Variants in PDSS1 observed in about 807,000 individuals in gnomAD.
PDSS1 encodes the protein all trans-polyprenyl-diphosphate synthase PDSS1.
Under a neutral mutation model 57.5 loss-of-function variants are expected in PDSS1, and 43 were observed. That is an observed-to-expected ratio of 0.75 (90% CI 0.59 to 0.96). The LOEUF is 0.96. Among genes scored for constraint, PDSS1 ranks in the 50% least tolerant of loss-of-function variants. The probability of loss-of-function intolerance (pLI) is 0.00; values close to 1 mark genes in which losing one functional copy is unlikely to be tolerated. For missense variants in PDSS1, 438 were observed against 527.8 expected (o/e 0.83, Z 1.67); for synonymous variants, 175 against 191.3 (o/e 0.91, Z 0.70).
intron 8 of PDSS1, among the ~76,000 whole-genome samples, chr10:26,730,880 T>G (rs1836166951): frequency 1.3e-5 from 2 of 152,198 alleles, no homozygotes; most frequent in Non-Finnish European, 2.9e-5. Context: ...AACAATTTAT[T>G]AGGAAAATGA....
At chr10:26,716,576 C>T (rs1454782177) in intron 5 of PDSS1, among the ~76,000 whole-genome samples, 1 of 152,040 alleles carries the variant, frequency 6.6e-6, no homozygotes, top group Non-Finnish European at 1.5e-5. Context: ...CCTGTAGTCT[C>T]AGCTACCTGG....
At position 26,746,558 on chromosome 10, in the gene PDSS1, C is replaced by CAGAT. The variant is rs1335115540; in HGVS notation, c.*87_*90dup. 4 of 1,372,470 alleles carry CAGAT rather than the reference C, an allele frequency of 2.9e-6. No homozygotes were observed. The highest frequency in any genetic ancestry group is 3.1e-6 in the Non-Finnish European group (3 of 964,438). 85.0% of individuals were successfully genotyped at this position (1,372,470 alleles called of 1,614,324 possible). On this transcript the variant is annotated 3_prime_UTR_variant, in exon 12 of 12. Coordinates refer to ENST00000376215, the MANE Select transcript of PDSS1 (RefSeq NM_014317.5). ...GAATACACTTTGTTTGCTTCATGTG[C>CAGAT]AGATAACCAAAAATCATTTTAAAAG... is the stretch of plus-strand genomic sequence containing the variant.
intron 2 of PDSS1, among the ~76,000 whole-genome samples, chr10:26,702,640 C>T (rs948001667): frequency 4.6e-5 from 7 of 152,126 alleles, no homozygotes; most frequent in African/African-American, 1.7e-4. Context: ...ATAAATTACC[C>T]AGTCTTGGGT....
In PDSS1 at chr10:26,746,508, C is replaced by A; in HGVS notation, c.*35C>A. 5.0e-6 allele frequency: 8 copies of A among 1,610,200 alleles called. No individual in the cohort carries two copies. The highest frequency in any genetic ancestry group is 6.8e-6 in the Non-Finnish European group (8 of 1,176,646). On this transcript the variant is annotated 3_prime_UTR_variant, in exon 12 of 12. Transcript: ENST00000376215. Reference sequence around the variant, plus strand: ...CTGTTCTTTCTGGCAGCTATCTTACCAGACTGTGCCTAAAGAATTTTGTGG... The same window carrying A: ...CTGTTCTTTCTGGCAGCTATCTTACAAGACTGTGCCTAAAGAATTTTGTGG...
Position 26,698,487 on chromosome 10 carries a change from G to A in PDSS1, c.129+647G>A, listed in dbSNP as rs919245848. On this transcript the variant is annotated intron_variant, in intron 1 of 11. Transcript: ENST00000376215. ...AGTCATCTAAAGTCAGAATCTCAGC[G>A]ATAGCCCATTCTTTCAGGGTCTCCT... is the stretch of plus-strand genomic sequence containing the variant. Among the ~76,000 whole-genome samples the A allele has an allele frequency of 5.3e-5, 8 of 152,246 alleles. No homozygotes were observed. In the South Asian group the frequency reaches 1.0e-3, roughly 20 times the overall value.
chr10:26,735,684 G>T (rs948660546), intron 10 of PDSS1, 105 bp downstream of exon 10: 12 of 740,926 alleles, frequency 1.6e-5, no homozygotes, highest in African/African-American at 1.6e-4. Context: ...AGATGGGAAG[G>T]CATTCAGATA....
At chr10:26,726,717 A>G (rs565515810) in intron 8 of PDSS1, among the ~76,000 whole-genome samples, 2 of 152,226 alleles carry the variant, frequency 1.3e-5, no homozygotes, top group African/African-American at 4.8e-5. Flanking sequence ...ATTAAAATCT[A>G]AGAGAGGGCT....
chr10:26,720,194 A>G (rs1835738475), intron 5 of PDSS1, 24 bp from the exon 6 acceptor site: 1 of 1,612,302 alleles, frequency 6.2e-7, no homozygotes, highest in Non-Finnish European at 8.5e-7. Flanking sequence ...CGTCTGTTAA[A>G]AAGCATTGCT....
intron 4 of PDSS1, among the ~76,000 whole-genome samples, chr10:26,708,087 C>T (rs762650166): frequency 3.3e-5 from 5 of 152,226 alleles, no homozygotes; most frequent in African/African-American, 7.2e-5. Context: ...GTTGTGTCAA[C>T]GGCAGTGATC....
chr10:26,735,220 G>T lies in PDSS1; in HGVS notation c.832-20G>T. 3 of 1,591,350 alleles carry T rather than the reference G, an allele frequency of 1.9e-6. No homozygotes were observed. The highest frequency in any genetic ancestry group is 2.6e-6 in the Non-Finnish European group (3 of 1,159,230). ...TGCTGCCTGGAAGCAGCTTATCTCA[G>T]AATGCTCTTTCTGTTTCAGGTCTCT... On this transcript the variant is annotated intron_variant, in intron 8 of 11. Transcript: ENST00000376215.
intron 1 of PDSS1, among the ~76,000 whole-genome samples, chr10:26,698,446 A>G (rs1588663447): frequency 6.6e-6 from 1 of 152,164 alleles, no homozygotes; most frequent in South Asian, 2.1e-4. Context: ...GGCCGTCAGG[A>G]GGAGAGAAAC....
intron 11 of PDSS1, among the ~76,000 whole-genome samples, chr10:26,746,122 GAATAA>G (rs1836879849): frequency 1.3e-5 from 2 of 152,142 alleles, no homozygotes; most frequent in African/African-American, 4.8e-5. Flanking sequence ...CATGCTAATA[GAATAA>G]AAATTTGCTT....
At chr10:26,735,420 T>C in intron 9 of PDSS1, 46 bp from the exon 10 acceptor site, 1 of 1,404,602 alleles carries the variant, frequency 7.1e-7, no homozygotes, top group Non-Finnish European at 1.0e-6. Flanking sequence ...ATGGCAGCAG[T>C]GTTGGCATGG....
intron 8 of PDSS1, among the ~76,000 whole-genome samples, chr10:26,726,981 G>A (rs1564429129): frequency 6.6e-6 from 1 of 151,704 alleles, no homozygotes; most frequent in Non-Finnish European, 1.5e-5. Context: ...AGAACCGCTT[G>A]AACCCGGGAG....
chr10:26,697,975 G>A (rs982903190), intron 1 of PDSS1, 135 bp downstream of exon 1: 2 of 810,362 alleles, frequency 2.5e-6, no homozygotes, highest in African/African-American at 3.6e-5. Context: ...GGGTAGCTCC[G>A]GGGTGGGACT....
At chr10:26,738,945 A>G (rs936947528) in intron 10 of PDSS1, among the ~76,000 whole-genome samples, 2 of 152,206 alleles carry the variant, frequency 1.3e-5, no homozygotes, top group Non-Finnish European at 2.9e-5. Context: ...ACCTCATGTT[A>G]ATTGGATTTT....
At chr10:26,735,915 T>C (rs1836382082) in intron 10 of PDSS1, among the ~76,000 whole-genome samples, 2 of 152,214 alleles carry the variant, frequency 1.3e-5, no homozygotes, top group Non-Finnish European at 2.9e-5. Context: ...TTTTGGCCAC[T>C]GGCAAAGTGA....
chr10:26,703,362 T>C (rs1835104092), intron 2 of PDSS1, among the ~76,000 whole-genome samples: 1 of 152,192 alleles, frequency 6.6e-6, no homozygotes, highest in South Asian at 2.1e-4. Context: ...TCATAGTTAT[T>C]TGGTCAAGCG....
At chr10:26,717,177 C>A (rs1280089279) in intron 5 of PDSS1, among the ~76,000 whole-genome samples, 1 of 152,206 alleles carries the variant, frequency 6.6e-6, no homozygotes, top group African/African-American at 2.4e-5. Flanking sequence ...ATTTCAGTTT[C>A]ATCCTGATTT....
Sources: allele counts gnomAD v4.1 joint callset (sites outside exome capture counted in the v4.1 genomes callset), GRCh38; gene constraint gnomAD v4.1.1; transcripts MANE v1.5; gene names NCBI Gene and HGNC (gene_info 2026-07-23, HGNC 2026-07-21).